Variants in ZKSCAN4 observed in about 807,000 individuals in gnomAD.
ZKSCAN4 encodes zinc finger with KRAB and SCAN domains 4, also known as zinc finger protein with KRAB and SCAN domains 4.
ZKSCAN4 carries 23 observed loss-of-function variants against 30.8 expected under a neutral mutation model. The ratio of observed to expected loss-of-function variants is 0.75; its 90% CI spans 0.54 to 1.06. The LOEUF (loss-of-function observed/expected upper bound fraction) is 1.06, where lower values mean the gene tolerates loss of function less well. Ranked by LOEUF, ZKSCAN4 falls within the 50% of genes least tolerant of loss-of-function variation. ZKSCAN4 has a pLI of 0.00. For missense variants in ZKSCAN4, 556 were observed against 665.4 expected, an observed-to-expected ratio of 0.84 and a Z score of 1.81; for synonymous variants, 208 against 252.5, an observed-to-expected ratio of 0.82 and a Z score of 1.67.
chr6:28,252,153 G>T lies in ZKSCAN4; in HGVS notation c.-173C>A. ...GCTGCACAGATCTCTCTTATAGTCCGTGCCTTTGCAGGGTCGTCCTCTGCA... is the reference window on the plus strand; with the variant it reads ...GCTGCACAGATCTCTCTTATAGTCCTTGCCTTTGCAGGGTCGTCCTCTGCA... On this transcript the variant is annotated 5_prime_UTR_variant, in exon 1 of 5. Transcript: ENST00000377294. The T allele has an allele frequency of 1.8e-6, 1 of 566,480 alleles. No individual in the cohort carries two copies. Among genetic ancestry groups the T allele is most frequent in the Non-Finnish European group, 2.9e-6 (1 of 348,270 alleles). The allele number at this position is 566,480 out of a possible 1,614,324, so 35.1% of individuals were successfully genotyped here.
chr6:28,247,805 G>A (rs1480144635), intron 3 of ZKSCAN4, among the ~76,000 whole-genome samples: 1 of 152,200 alleles, frequency 6.6e-6, no homozygotes, highest in African/African-American at 2.4e-5. Flanking sequence ...TTGAAGAAGA[G>A]GCTGACCGAA....
chr6:28,247,205 T>C (rs1760775987), intron 3 of ZKSCAN4, 113 bp from the exon 4 acceptor site: 1 of 1,200,920 alleles, frequency 8.3e-7, no homozygotes, highest in Non-Finnish European at 1.1e-6. Flanking sequence ...GTGGCACACC[T>C]ACACCAATTT....
intron 1 of ZKSCAN4, among the ~76,000 whole-genome samples, chr6:28,250,577 G>A (rs1760953989): frequency 6.6e-6 from 1 of 152,160 alleles, no homozygotes; most frequent in South Asian, 2.1e-4. Context: ...TCTGAAAAAT[G>A]AGGATAATAA....
At chr6:28,253,402 A>G (rs572982266), upstream of ZKSCAN4, among the ~76,000 whole-genome samples, 1 of 152,366 alleles carries the variant, frequency 6.6e-6, no homozygotes, top group Admixed American at 6.5e-5. This position sits in a 1 kb window ranked among gnomAD's most constrained non-coding sequence, Gnocchi z 4.2. Context: ...AACATAACTT[A>G]AGAAAATGAG....
rs977444018 is a variant in ZKSCAN4 at position 28,243,591 on chromosome 6, T to C, written c.*1525A>G. On this transcript the variant is annotated 3_prime_UTR_variant, in exon 5 of 5. Coordinates refer to ENST00000377294, the MANE Select transcript of ZKSCAN4 (RefSeq NM_019110.5). ...GCCTTGACATCACATATCAACACTT[T>C]GGATATTGTACAATCTTTTTCATCA... is the stretch of plus-strand genomic sequence containing the variant. 2.4e-4 allele frequency among the ~76,000 whole-genome samples: 37 copies of C among 152,282 alleles called. No individual in the cohort carries two copies. The highest frequency in any genetic ancestry group is 8.9e-4 in the African/African-American group (37 of 41,552).
Position 28,242,993 on chromosome 6 carries a change from A to G in ZKSCAN4, c.*2123T>C, listed in dbSNP as rs955594044. ...CACATATATCTCTTCATGTAACATC[A>G]GAAACAAATATCACAGAAAAGTTAA... On this transcript the variant is annotated 3_prime_UTR_variant, in exon 5 of 5. Transcript: ENST00000377294. 6.6e-6 allele frequency among the ~76,000 whole-genome samples: 1 copy of G among 152,224 alleles called. No individual in the cohort carries two copies. The highest frequency in any genetic ancestry group is 1.5e-5 in the Non-Finnish European group (1 of 68,042).
rs1761037531 is a variant in ZKSCAN4 at position 28,252,219 on chromosome 6, C to T, written c.-239G>A. On this transcript the variant is annotated 5_prime_UTR_variant, in exon 1 of 5. Coordinates refer to ENST00000377294, the MANE Select transcript of ZKSCAN4 (RefSeq NM_019110.5). The stretch of plus-strand genomic sequence containing the variant: ...CACAGTAAGTATCACCAAAGGATGT[C>T]TTTGGGAGTGAAAGTGATCACTCTC... 1 of 375,952 alleles carries T rather than the reference C, an allele frequency of 2.7e-6. No individual in the cohort carries two copies. Among genetic ancestry groups the T allele is most frequent in the African/African-American group, 2.1e-5 (1 of 48,078 alleles). 23.3% of individuals were successfully genotyped at this position (375,952 alleles called of 1,614,324 possible). A position where few individuals can be genotyped will look rare whatever the true frequency, so the allele number is the denominator to read the frequency against.
the ZKSCAN4 span, among the ~76,000 whole-genome samples, chr6:28,258,352 C>A: frequency 6.6e-6 from 1 of 152,014 alleles, no homozygotes; most frequent in African/African-American, 2.4e-5. Flanking sequence ...TAATGTGTAT[C>A]GAGAAAGTGG....
In ZKSCAN4 at chr6:28,251,729, A is replaced by G. The variant is rs1027249852; in HGVS notation, c.252T>C (p.Pro84=). Residue 84 remains proline, a synonymous_variant, in exon 1 of 5, where the codon CCT becomes CCC. Coordinates refer to ENST00000377294, the MANE Select transcript of ZKSCAN4 (RefSeq NM_019110.5). This position sits in a 1 kb window ranked among gnomAD's most constrained non-coding sequence, Gnocchi z 4.5. ...LRELCGQWLQ[P]EMHSKEQILE... is the part of the protein sequence containing the mutation. ...GGATCTGCTCCTTGCTGTGCATCTC[A>G]GGCTGCAGCCATTGTCCGCAGAGTT... is the stretch of plus-strand genomic sequence containing the variant. 3 of 1,614,196 alleles carry G rather than the reference A, an allele frequency of 1.9e-6. No homozygotes were observed. The highest frequency in any genetic ancestry group is 1.1e-5 in the South Asian group (1 of 91,076).
chr6:28,252,077 G>A lies in ZKSCAN4; in HGVS notation c.-97C>T, dbSNP rs954066225. On this transcript the variant is annotated 5_prime_UTR_variant, in exon 1 of 5. Transcript: ENST00000377294. ...GGTAAATTTTCCAGTAGAACTGCAA[G>A]TGGTCCCCCTCCTGTCATGCCCAGG... is the stretch of plus-strand genomic sequence containing the variant. The A allele has an allele frequency of 4.4e-6, 6 of 1,360,732 alleles. No individual in the cohort carries two copies. In the African/African-American group the frequency reaches 7.2e-5, roughly 16 times the overall value. The allele number at this position is 1,360,732 out of a possible 1,614,324, so 84.3% of individuals were successfully genotyped here. A position where few individuals can be genotyped will look rare whatever the true frequency, so the allele number is the denominator to read the frequency against.
intron 3 of ZKSCAN4, among the ~76,000 whole-genome samples, chr6:28,247,497 AAAG>A (rs1171186143): frequency 6.6e-6 from 1 of 152,084 alleles, no homozygotes; most frequent in Non-Finnish European, 1.5e-5. Context: ...TAGGGGAAAA[AAAG>A]GATACTACAC....
Position 28,249,767 on chromosome 6 carries a change from C to T in ZKSCAN4, c.491G>A (p.Gly164Glu), listed in dbSNP as rs371219942. The T allele has an allele frequency of 3.1e-6, 5 of 1,614,082 alleles. No homozygotes were observed. The highest frequency in any genetic ancestry group is 1.3e-5 in the African/African-American group (1 of 75,008). The change falls in exon 2 of 5, where the codon GGG becomes GAG. Residue 164 changes from glycine (G) to glutamate (E), a missense_variant. Coordinates refer to ENST00000377294, the MANE Select transcript of ZKSCAN4 (RefSeq NM_019110.5). This position sits in a 1 kb window ranked among gnomAD's most constrained non-coding sequence, Gnocchi z 4.1. ...TGGCTGGCACTGGCTACTTTGAGAC[C>T]CTTGAGTTTGTGTCAATAGTGCCAT... Reference protein sequence around the residue: ...CKMALLTQTQGSQSSQCQPMK... With the variant: ...CKMALLTQTQESQSSQCQPMK...
At chr6:28,246,013 C>A in intron 4 of ZKSCAN4, 38 bp from the exon 5 acceptor site, 2 of 1,613,884 alleles carry the variant, frequency 1.2e-6, no homozygotes, top group Non-Finnish European at 1.7e-6. Context: ...GGGTTATGCC[C>A]TGCCATGGGA....
At position 28,242,003 on chromosome 6, in the gene ZKSCAN4, T is replaced by G. The variant is rs1431701274; in HGVS notation, c.*3113A>C. Among the ~76,000 whole-genome samples, 3 of 152,162 alleles carry G rather than the reference T, an allele frequency of 2.0e-5. No homozygotes were observed. The highest frequency in any genetic ancestry group is 7.2e-5 in the African/African-American group (3 of 41,440). Reference sequence around the variant, plus strand: ...GCCATTCATCAAAAGCTTTTTTCATTATAACCATTCATTCTATCGAAGTAG... The same window carrying G: ...GCCATTCATCAAAAGCTTTTTTCATGATAACCATTCATTCTATCGAAGTAG... On this transcript the variant is annotated 3_prime_UTR_variant, in exon 5 of 5. Transcript: ENST00000377294.
chr6:28,245,051 A>T lies in ZKSCAN4; in HGVS notation c.*65T>A. On this transcript the variant is annotated 3_prime_UTR_variant, in exon 5 of 5. Transcript: ENST00000377294. The stretch of plus-strand genomic sequence containing the variant: ...CTGGTCCACAATTTCTGTAACCATT[A>T]AGGGCTCCAGGGTGGCTTCAGTTCA... The T allele has an allele frequency of 6.2e-7, 1 of 1,604,628 alleles. No individual in the cohort carries two copies. The highest frequency in any genetic ancestry group is 1.1e-5 in the South Asian group (1 of 90,520).
rs1760901428 is a variant in ZKSCAN4, at chr6:28,249,708, A to G, written c.550T>C (p.Ser184Pro). The G allele has an allele frequency of 1.9e-6, 3 of 1,614,112 alleles. No individual in the cohort carries two copies. Among genetic ancestry groups the G allele is most frequent in the African/African-American group, 2.7e-5 (2 of 75,042 alleles). Residue 184 changes from serine (S) to proline (P), a missense_variant, in exon 2 of 5, where the codon TCC becomes CCC. Ser to Pro is a moderately conservative substitution (Grantham distance 74, BLOSUM62 -1). Coordinates refer to ENST00000377294, the MANE Select transcript of ZKSCAN4 (RefSeq NM_019110.5). This position sits in a 1 kb window ranked among gnomAD's most constrained non-coding sequence, Gnocchi z 4.1. ...TCACCTCTATCGTGTAAGGGCTGGG[A>G]TCCCAGAGATTCATGCTTGAACAGA... is the stretch of plus-strand genomic sequence containing the variant. ...KALFKHESLG[S>P]QPLHDRVLQV...
Position 28,245,288 on chromosome 6 carries a change from C to T in ZKSCAN4, c.1466G>A (p.Cys489Tyr). The change falls in exon 5 of 5, where the codon TGT becomes TAT. Residue 489 changes from cysteine (C) to tyrosine (Y), a missense_variant. Cys to Tyr is a radical substitution (Grantham distance 194, BLOSUM62 -2). Coordinates refer to ENST00000377294, the MANE Select transcript of ZKSCAN4 (RefSeq NM_019110.5). Reference protein sequence around the residue: ...ENTEAPVSYKCNECERSFTRN... With the variant: ...ENTEAPVSYKYNECERSFTRN... ...TGTGAAACTTCTCTCACACTCATTACATTTATAAGACACGGGAGCCTCAGT... is the reference window on the plus strand; with the variant it reads ...TGTGAAACTTCTCTCACACTCATTATATTTATAAGACACGGGAGCCTCAGT... 6.2e-7 allele frequency: 1 copy of T among 1,614,052 alleles called. No homozygotes were observed. The highest frequency in any genetic ancestry group is 8.5e-7 in the Non-Finnish European group (1 of 1,180,002).
upstream of ZKSCAN4, among the ~76,000 whole-genome samples, chr6:28,254,123 G>T (rs529103471): frequency 2.0e-4 from 31 of 152,166 alleles, no homozygotes; most frequent in Non-Finnish European, 4.4e-4. Context: ...GCTTTGCTTC[G>T]CCCAGGGAAG....
In ZKSCAN4 at chr6:28,245,630, G is replaced by A. The variant is rs759988028; in HGVS notation, c.1124C>T (p.Pro375Leu). ...IHQRVHTGEKPYECEECGKVF... is the reference protein window; with the variant it reads ...IHQRVHTGEKLYECEECGKVF... ...CTTACCACATTCTTCACACTCATAT[G>A]GCTTCTCACCAGTGTGGACTCTCTG... The change falls in exon 5 of 5, where the codon CCA becomes CTA. Residue 375 changes from proline to leucine, a missense_variant. Coordinates refer to ENST00000377294, the MANE Select transcript of ZKSCAN4 (RefSeq NM_019110.5). 11 of 1,614,074 alleles carry A rather than the reference G, an allele frequency of 6.8e-6. No homozygotes were observed. Among genetic ancestry groups the A allele is most frequent in the Non-Finnish European group, 9.3e-6 (11 of 1,180,050 alleles).
Sources: allele counts gnomAD v4.1 joint callset (sites outside exome capture counted in the v4.1 genomes callset), GRCh38; gene constraint gnomAD v4.1.1; non-coding constraint Gnocchi (gnomAD v3.1); transcripts MANE v1.5; gene names NCBI Gene and HGNC (gene_info 2026-07-23, HGNC 2026-07-21).